RUNX1: variants seen among roughly 807,000 people sequenced by gnomAD.
RUNX1 encodes the protein runt-related transcription factor 1.
RUNX1 carries 19 observed loss-of-function variants against 42.8 expected under a neutral mutation model. The observed-to-expected ratio is 0.44, with a 90% confidence interval of 0.31 to 0.65. The LOEUF is 0.65. Ranked by LOEUF, RUNX1 falls within the 30% of genes least tolerant of loss-of-function variation. RUNX1 has a pLI of 0.07. For missense variants in RUNX1, 528 were observed against 672.0 expected (o/e 0.79, Z 2.37); for synonymous variants, 271 against 289.4 (o/e 0.94, Z 0.64).
chr21:34,797,967 C>T (rs899766516), intron 8 of RUNX1: 8 of 455,860 alleles, frequency 1.8e-5, no homozygotes. Context: ...ACAGACCCCC[C>T]CCAACAAAGA....
chr21:34,852,995 C>T (rs137941718), intron 6 of RUNX1, among the ~76,000 whole-genome samples: 2,325 of 152,344 alleles, frequency 0.015, 21 homozygotes, highest in Non-Finnish European at 0.022. Flanking sequence ...CCGGCGGCTA[C>T]GTGCTGTGCA....
chr21:34,930,703 ACTCTCTCTCT>A (rs71841507), intron 2 of RUNX1, among the ~76,000 whole-genome samples: 3 of 149,074 alleles, frequency 2.0e-5, no homozygotes, highest in South Asian at 4.2e-4. Flanking sequence ...ACACACACAC[ACTCTCTCTCT>A]CTCTCTCACA....
chr21:35,001,771 T>C (rs1232609946), intron 2 of RUNX1, among the ~76,000 whole-genome samples: 4 of 152,150 alleles, frequency 2.6e-5, no homozygotes, highest in Admixed American at 2.0e-4. Flanking sequence ...TAAAAATCTG[T>C]TCGATATAAT....
At chr21:34,867,263 A>ATAAAT (rs1316400551) in intron 5 of RUNX1, among the ~76,000 whole-genome samples, 1 of 151,714 alleles carries the variant, frequency 6.6e-6, no homozygotes, top group Admixed American at 6.6e-5. Context: ...ATAAAATAAA[A>ATAAAT]TAAAAATAAA....
At chr21:34,954,581 G>A (rs2058631558) in intron 2 of RUNX1, among the ~76,000 whole-genome samples, 1 of 152,168 alleles carries the variant, frequency 6.6e-6, no homozygotes, top group Non-Finnish European at 1.5e-5. Flanking sequence ...AGTTAGGGCA[G>A]GACCAACTAA....
rs779118489 is a variant in RUNX1 at position 35,017,842 on chromosome 21, T to A, written c.58+31000A>T. On this transcript the variant is annotated intron_variant, in intron 2 of 8. Transcript: ENST00000675419. ...CCAGCAGTCCTTCCAGAGAAAGAAG[T>A]AAAGTCTTTAGCTAAAGAACAAAGA... 3.3e-5 allele frequency among the ~76,000 whole-genome samples: 5 copies of A among 152,120 alleles called. 1 individual carries two copies. Among genetic ancestry groups the A allele is most frequent in the Non-Finnish European group, 7.4e-5 (5 of 68,020 alleles).
At chr21:34,943,023 G>A (rs1193752891) in intron 2 of RUNX1, among the ~76,000 whole-genome samples, 1 of 152,184 alleles carries the variant, frequency 6.6e-6, no homozygotes, top group Admixed American at 6.5e-5. Flanking sequence ...CTTTTAACCC[G>A]TGTCCCTTCT....
intron 2 of RUNX1, among the ~76,000 whole-genome samples, chr21:35,004,055 C>A (rs1274740806): frequency 6.6e-6 from 1 of 152,170 alleles, no homozygotes; most frequent in Non-Finnish European, 1.5e-5. Context: ...AGTGGTAAAC[C>A]TTTTCCACCA....
intron 7 of RUNX1, among the ~76,000 whole-genome samples, chr21:34,809,684 G>A (rs1393993536): frequency 6.6e-6 from 1 of 152,036 alleles, no homozygotes; most frequent in Non-Finnish European, 1.5e-5. Context: ...GCTGATGAGG[G>A]GCCGGTGGGA....
intron 6 of RUNX1, among the ~76,000 whole-genome samples, chr21:34,841,246 G>T (rs924133729): frequency 6.6e-6 from 1 of 152,124 alleles, no homozygotes; most frequent in African/African-American, 2.4e-5. Flanking sequence ...GCCTCTTAGA[G>T]GTGGATGAAT....
intron 2 of RUNX1, among the ~76,000 whole-genome samples, chr21:34,906,990 C>A (rs970248760): frequency 1.3e-5 from 2 of 152,188 alleles, no homozygotes. Context: ...GGGAGCAGCC[C>A]CAATTCTCCC....
At chr21:34,920,388 T>C (rs1650616154) in intron 2 of RUNX1, among the ~76,000 whole-genome samples, 1 of 152,192 alleles carries the variant, frequency 6.6e-6, no homozygotes, top group Non-Finnish European at 1.5e-5. Flanking sequence ...AAAATGCTTG[T>C]GGATTTTGGT....
At chr21:34,947,177 TTTTA>T (rs1378989968) in intron 2 of RUNX1, among the ~76,000 whole-genome samples, 2 of 152,218 alleles carry the variant, frequency 1.3e-5, no homozygotes, top group South Asian at 4.1e-4. Flanking sequence ...GGAGACTAAA[TTTTA>T]TTTATTATTA....
At chr21:34,857,197 A>G (rs1213711617) in intron 6 of RUNX1, among the ~76,000 whole-genome samples, 1 of 152,216 alleles carries the variant, frequency 6.6e-6, no homozygotes, top group Non-Finnish European at 1.5e-5. Context: ...TTTGGCAGGG[A>G]AGACTGTGTA....
chr21:35,041,822 T>C (rs2059361799), intron 2 of RUNX1, among the ~76,000 whole-genome samples: 1 of 152,122 alleles, frequency 6.6e-6, no homozygotes, highest in South Asian at 2.1e-4. Flanking sequence ...TAGAGGGCAA[T>C]TATCTGGTTA....
chr21:35,025,791 G>T (rs2059231335), intron 2 of RUNX1, among the ~76,000 whole-genome samples: 1 of 152,092 alleles, frequency 6.6e-6, no homozygotes, highest in African/African-American at 2.4e-5. Flanking sequence ...TGCTCAATAG[G>T]AAAGTTAGCC....
intron 2 of RUNX1, among the ~76,000 whole-genome samples, chr21:34,930,493 C>CAA: frequency 6.6e-6 from 1 of 151,610 alleles, no homozygotes; most frequent in Non-Finnish European, 1.5e-5. Context: ...GTGCTGTGAT[C>CAA]AATTATTGAT....
chr21:34,930,235 CATATTATAT>C, intron 2 of RUNX1, among the ~76,000 whole-genome samples: 1 of 118,602 alleles, frequency 8.4e-6, no homozygotes, highest in African/African-American at 4.7e-5. Context: ...ATTATATATA[CATATTATAT>C]ATGTATATTA....
chr21:34,983,393 A>G (rs2058861684), intron 2 of RUNX1, among the ~76,000 whole-genome samples: 1 of 152,198 alleles, frequency 6.6e-6, no homozygotes, highest in South Asian at 2.1e-4. Context: ...CCTACTAATA[A>G]CACCAAAATA....
Sources: gnomAD v4.1 joint callset for allele counts (sites outside exome capture counted in the v4.1 genomes callset) on GRCh38, gnomAD v4.1.1 for gene constraint, MANE v1.5 for transcripts, NCBI Gene and HGNC (gene_info 2026-07-23, HGNC 2026-07-21) for gene names.